The following DLGAP2 variants were observed in gnomAD, a reference collection of about 807,000 sequenced individuals.
DLGAP2 encodes disks large-associated protein 2.
A neutral mutation model predicts 100.3 loss-of-function variants in DLGAP2; 26 were observed. The ratio of observed to expected loss-of-function variants is 0.26; its 90% CI spans 0.19 to 0.36. The LOEUF (loss-of-function observed/expected upper bound fraction) is 0.36, where lower values mean the gene tolerates loss of function less well. Ranked by LOEUF, DLGAP2 falls within the 10% of genes least tolerant of loss-of-function variation. The probability of loss-of-function intolerance (pLI) is 1.00; values close to 1 mark genes in which losing one functional copy is unlikely to be tolerated. For missense variants in DLGAP2, 1,858 were observed against 1,453.2 expected (o/e 1.28, Z -4.53); for synonymous variants, 886 against 630.1 (o/e 1.41, Z -6.08).
intron 8 of DLGAP2, among the ~76,000 whole-genome samples, chr8:1,667,258 A>T (rs1798816833): frequency 6.6e-6 from 1 of 152,240 alleles, no homozygotes; most frequent in African/African-American, 2.4e-5. Flanking sequence ...GCCTGAGTCC[A>T]GGCCAAGGTG....
At chr8:896,288 T>C (rs1411261990) in intron 1 of DLGAP2, among the ~76,000 whole-genome samples, 2 of 151,664 alleles carry the variant, frequency 1.3e-5, no homozygotes, top group Admixed American at 6.6e-5. Context: ...ATGGGGATAA[T>C]GGATGGGATG....
chr8:1,182,922 C>A (rs78754011), intron 2 of DLGAP2, among the ~76,000 whole-genome samples: 5,652 of 152,166 alleles, frequency 0.037, 389 homozygotes, highest in African/African-American at 0.13. Context: ...AGCGCACAGC[C>A]CTGCGGTGGC....
intron 2 of DLGAP2, among the ~76,000 whole-genome samples, chr8:1,102,366 A>G (rs1418825374): frequency 6.8e-6 from 1 of 147,908 alleles, no homozygotes; most frequent in Non-Finnish European, 1.5e-5. Context: ...TCTATTATAT[A>G]TTTATATATA....
chr8:1,303,707 G>A (rs1800421537), intron 3 of DLGAP2, among the ~76,000 whole-genome samples: 1 of 152,168 alleles, frequency 6.6e-6, no homozygotes. Flanking sequence ...TCCTTGGGAG[G>A]CACGGGTGCT....
At chr8:936,449 G>A (rs558032543) in intron 2 of DLGAP2, among the ~76,000 whole-genome samples, 3 of 152,202 alleles carry the variant, frequency 2.0e-5, no homozygotes, top group Non-Finnish European at 2.9e-5. Context: ...AATGCCTAGG[G>A]AGGAAGGGAA....
chr8:1,438,546 T>A (rs1043584824), intron 3 of DLGAP2, among the ~76,000 whole-genome samples: 1 of 152,214 alleles, frequency 6.6e-6, no homozygotes, highest in African/African-American at 2.4e-5. Flanking sequence ...TAAGTAATTT[T>A]TTTCTTTTCA....
chr8:1,420,775 C>T (rs973104795), intron 3 of DLGAP2, among the ~76,000 whole-genome samples: 1 of 152,158 alleles, frequency 6.6e-6, no homozygotes, highest in African/African-American at 2.4e-5. Flanking sequence ...TAACTTGGCC[C>T]TCCCACAGTG....
intron 1 of DLGAP2, among the ~76,000 whole-genome samples, chr8:892,480 A>G (rs1798055677): frequency 6.6e-6 from 1 of 152,184 alleles, no homozygotes; most frequent in African/African-American, 2.4e-5. Context: ...CCACTCATAC[A>G]ATGCCCCTGG....
At chr8:1,129,905 G>A (rs557887977) in intron 2 of DLGAP2, among the ~76,000 whole-genome samples, 2 of 152,270 alleles carry the variant, frequency 1.3e-5, no homozygotes, top group African/African-American at 4.8e-5. Flanking sequence ...GGCTGGGAAC[G>A]CTGACTGTGA....
At chr8:778,911 T>C (rs1284082926) in intron 1 of DLGAP2, among the ~76,000 whole-genome samples, 1 of 152,236 alleles carries the variant, frequency 6.6e-6, no homozygotes, top group Non-Finnish European at 1.5e-5. Flanking sequence ...TAAGCAAGCC[T>C]GGGCAATGGT....
At chr8:1,564,791 C>T (rs1331071591) in intron 5 of DLGAP2, among the ~76,000 whole-genome samples, 1 of 152,126 alleles carries the variant, frequency 6.6e-6, no homozygotes, top group Admixed American at 6.5e-5. Flanking sequence ...AGACATATAA[C>T]AAGCACAGGT....
At chr8:1,164,723 C>G (rs1339452723) in intron 2 of DLGAP2, among the ~76,000 whole-genome samples, 1 of 152,148 alleles carries the variant, frequency 6.6e-6, no homozygotes. Context: ...GTCTTTCTGA[C>G]TCCTCCAGGC....
intron 3 of DLGAP2, among the ~76,000 whole-genome samples, chr8:1,271,903 C>T (rs376484416): frequency 2.6e-4 from 40 of 152,292 alleles, no homozygotes; most frequent in African/African-American, 4.8e-4. Flanking sequence ...CAACCTCCAC[C>T]GGGTTCAAGT....
chr8:1,585,223 G>T (rs937184862), intron 6 of DLGAP2, among the ~76,000 whole-genome samples: 8 of 152,180 alleles, frequency 5.3e-5, no homozygotes, highest in Non-Finnish European at 1.0e-4. Flanking sequence ...AGCACTTTGG[G>T]AGGCGGAGGC....
intron 2 of DLGAP2, among the ~76,000 whole-genome samples, chr8:1,131,503 C>G (rs189550882): frequency 4.6e-5 from 7 of 152,142 alleles, no homozygotes; most frequent in East Asian, 1.9e-4. Context: ...TCTCCACCAC[C>G]CACATAACCT....
chr8:1,682,009 C>G (rs1798963291), intron 12 of DLGAP2, among the ~76,000 whole-genome samples: 1 of 152,178 alleles, frequency 6.6e-6, no homozygotes, highest in South Asian at 2.1e-4. Context: ...GCCTTTCCAC[C>G]CACGGTCCAA....
At chr8:1,057,336 T>A (rs1802913083) in intron 2 of DLGAP2, among the ~76,000 whole-genome samples, 1 of 152,220 alleles carries the variant, frequency 6.6e-6, no homozygotes, top group African/African-American at 2.4e-5. Flanking sequence ...ACAGGAGTTT[T>A]AACACAGGAA....
At chr8:1,665,490 G>C (rs970195063) in intron 8 of DLGAP2, among the ~76,000 whole-genome samples, 1 of 152,178 alleles carries the variant, frequency 6.6e-6, no homozygotes, top group Non-Finnish European at 1.5e-5. Flanking sequence ...CCAATTTGGC[G>C]TGTTTAATAT....
intron 2 of DLGAP2, among the ~76,000 whole-genome samples, chr8:1,174,828 A>G (rs1797219560): frequency 6.6e-6 from 1 of 152,156 alleles, no homozygotes; most frequent in South Asian, 2.1e-4. Context: ...TCTAGACTAT[A>G]GCAGCTGAGT....
Sources: allele counts gnomAD v4.1 joint callset (sites outside exome capture counted in the v4.1 genomes callset), GRCh38; gene constraint gnomAD v4.1.1; transcripts MANE v1.5; gene names NCBI Gene and HGNC (gene_info 2026-07-23, HGNC 2026-07-21).